SGCZ: variants seen among roughly 807,000 people sequenced by gnomAD.
SGCZ encodes zeta-sarcoglycan.
A neutral mutation model predicts 41.3 loss-of-function variants in SGCZ; 40 were observed. The ratio of observed to expected loss-of-function variants is 0.97; its 90% CI spans 0.75 to 1.26. The LOEUF (loss-of-function observed/expected upper bound fraction) is 1.26, where lower values mean the gene tolerates loss of function less well. Among genes scored for constraint, SGCZ ranks in the 50% most tolerant of loss-of-function variants. The pLI, the probability that SGCZ is intolerant of heterozygous loss-of-function variation, is 0.00. For synonymous variants in SGCZ, 206 were observed against 137.5 expected, an observed-to-expected ratio of 1.50 and a Z score of -3.49; for missense variants, 552 against 369.8, an observed-to-expected ratio of 1.49 and a Z score of -4.04.
intron 1 of SGCZ, among the ~76,000 whole-genome samples, chr8:14,997,213 G>T (rs544612996): frequency 6.6e-6 from 1 of 152,044 alleles, no homozygotes; most frequent in African/African-American, 2.4e-5. Flanking sequence ...ATAATTAATA[G>T]GTTAATAGTA....
At chr8:15,065,445 T>TATTATC (rs1805098656) in intron 1 of SGCZ, among the ~76,000 whole-genome samples, 1 of 147,952 alleles carries the variant, frequency 6.8e-6, no homozygotes, top group South Asian at 2.1e-4. Flanking sequence ...TTATTATTAT[T>TATTATC]ATTATTATTA....
intron 3 of SGCZ, among the ~76,000 whole-genome samples, chr8:14,270,657 T>G (rs1488531506): frequency 6.6e-6 from 1 of 152,148 alleles, no homozygotes; most frequent in Non-Finnish European, 1.5e-5. Context: ...AAAATGTGAA[T>G]GTATGCAATA....
intron 1 of SGCZ, among the ~76,000 whole-genome samples, chr8:14,815,482 T>C (rs1324352471): frequency 6.6e-6 from 1 of 152,072 alleles, no homozygotes; most frequent in Non-Finnish European, 1.5e-5. Flanking sequence ...AGGACCTTTG[T>C]GATGAAAATA....
At chr8:14,851,379 A>G (rs1803317318) in intron 1 of SGCZ, among the ~76,000 whole-genome samples, 1 of 141,136 alleles carries the variant, frequency 7.1e-6, no homozygotes, top group South Asian at 2.2e-4. Context: ...AAAAAAAAAA[A>G]AAAAAAAAAA....
intron 2 of SGCZ, among the ~76,000 whole-genome samples, chr8:14,533,291 T>C (rs1172944034): frequency 2.0e-5 from 3 of 152,086 alleles, no homozygotes; most frequent in African/African-American, 7.2e-5. Flanking sequence ...AATGTACCTT[T>C]GTAAAATTTA....
At chr8:15,117,336 G>A (rs1217502409) in intron 1 of SGCZ, among the ~76,000 whole-genome samples, 1 of 152,000 alleles carries the variant, frequency 6.6e-6, no homozygotes. Context: ...TCCAGCCTGG[G>A]CGACAGAGCG....
intron 2 of SGCZ, among the ~76,000 whole-genome samples, chr8:14,395,787 G>A (rs80186068): frequency 0.039 from 5,873 of 152,222 alleles, 348 homozygotes; most frequent in African/African-American, 0.13. Flanking sequence ...ATATAAAATC[G>A]ATCTGCAGGG....
At chr8:14,764,661 C>G (rs1338581492) in intron 1 of SGCZ, among the ~76,000 whole-genome samples, 1 of 152,054 alleles carries the variant, frequency 6.6e-6, no homozygotes, top group Non-Finnish European at 1.5e-5. Flanking sequence ...GGTCATCGCT[C>G]TAGATTAAAG....
At chr8:14,140,944 A>C (rs1803350028) in intron 5 of SGCZ, among the ~76,000 whole-genome samples, 1 of 152,188 alleles carries the variant, frequency 6.6e-6, no homozygotes. Flanking sequence ...ACAGTAACCA[A>C]AGCAGCATGT....
At position 14,572,495 on chromosome 8, in the gene SGCZ, C is replaced by T. The variant is rs545749770; in HGVS notation, c.40-17569G>A. Among the ~76,000 whole-genome samples the T allele has an allele frequency of 6.5e-4, 93 of 142,592 alleles. 1 individual carries two copies. Among genetic ancestry groups the T allele is most frequent in the Admixed American group, 3.9e-3 (57 of 14,700 alleles). 93.5% of individuals were successfully genotyped at this position (142,592 alleles called of 152,430 possible). On this transcript the variant is annotated intron_variant, in intron 1 of 7. Coordinates refer to ENST00000382080, the MANE Select transcript of SGCZ (RefSeq NM_139167.4). ...TTAACTCATTTAATCCTCACCGAAC[C>T]CAGAGAGGGAAGTTTATTATTATTA...
chr8:14,535,076 T>G (rs997984195), intron 2 of SGCZ, among the ~76,000 whole-genome samples: 2 of 152,010 alleles, frequency 1.3e-5, no homozygotes, highest in African/African-American at 4.8e-5. Context: ...CCTGCTTTTC[T>G]GCATCTGTTT....
At chr8:14,636,797 C>G (rs917369265) in intron 1 of SGCZ, among the ~76,000 whole-genome samples, 2 of 151,716 alleles carry the variant, frequency 1.3e-5, no homozygotes, top group African/African-American at 4.8e-5. Flanking sequence ...AACATAAATT[C>G]CAGTTGAGAC....
At chr8:15,104,508 A>G (rs1806742558) in intron 1 of SGCZ, among the ~76,000 whole-genome samples, 1 of 152,264 alleles carries the variant, frequency 6.6e-6, no homozygotes, top group South Asian at 2.1e-4. Flanking sequence ...TTAAAAAATA[A>G]AAAGTAAAAT....
At chr8:14,204,676 C>A (rs551074199) in intron 4 of SGCZ, among the ~76,000 whole-genome samples, 1 of 152,110 alleles carries the variant, frequency 6.6e-6, no homozygotes, top group South Asian at 2.1e-4. Flanking sequence ...CAATCATCAG[C>A]GGCGCTGGGT....
At chr8:14,334,166 G>A (rs1162070644) in intron 2 of SGCZ, among the ~76,000 whole-genome samples, 8 of 151,932 alleles carry the variant, frequency 5.3e-5, no homozygotes, top group Admixed American at 3.9e-4. Context: ...ATAAGACTAT[G>A]GGGTAGGGTA....
chr8:14,840,356 G>GAATCAAT (rs1802859469), intron 1 of SGCZ, among the ~76,000 whole-genome samples: 1 of 152,044 alleles, frequency 6.6e-6, no homozygotes, highest in South Asian at 2.1e-4. Context: ...ATCAATAACT[G>GAATCAAT]AATCAATAAT....
rs1375695755 is a variant in SGCZ at position 14,085,307 on chromosome 8, A to G, written c.*5136T>C. On this transcript the variant is annotated 3_prime_UTR_variant, in exon 8 of 8. Coordinates refer to ENST00000382080, the MANE Select transcript of SGCZ (RefSeq NM_139167.4). Reference sequence around the variant, plus strand: ...AACATTTACATGAAAGTACAAAACAAAATAAATGAATAGTGGACCTGATTT... The same window carrying G: ...AACATTTACATGAAAGTACAAAACAGAATAAATGAATAGTGGACCTGATTT... 6.6e-6 allele frequency among the ~76,000 whole-genome samples: 1 copy of G among 151,830 alleles called. No individual in the cohort carries two copies. Among genetic ancestry groups the G allele is most frequent in the Admixed American group, 6.6e-5 (1 of 15,206 alleles).
At chr8:14,514,818 T>TAC (rs1563378998) in intron 2 of SGCZ, among the ~76,000 whole-genome samples, 13 of 124,814 alleles carry the variant, frequency 1.0e-4, no homozygotes, top group Admixed American at 6.7e-4. Context: ...TGTGTGTATA[T>TAC]ATACACGCAC....
chr8:14,112,640 T>G (rs971312164), intron 5 of SGCZ, among the ~76,000 whole-genome samples: 5 of 152,132 alleles, frequency 3.3e-5, no homozygotes, highest in Admixed American at 3.3e-4. Flanking sequence ...GGGAATAGAC[T>G]TGTCTTATTC....
Sources: allele counts gnomAD v4.1 joint callset (sites outside exome capture counted in the v4.1 genomes callset), GRCh38; gene constraint gnomAD v4.1.1; transcripts MANE v1.5; gene names NCBI Gene and HGNC (gene_info 2026-07-23, HGNC 2026-07-21).